ZNF546: variants seen among roughly 807,000 people sequenced by gnomAD.
The protein encoded by ZNF546 is zinc finger protein 546.
Under a neutral mutation model 76.2 loss-of-function variants are expected in ZNF546, and 60 were observed. The ratio of observed to expected loss-of-function variants is 0.79; its 90% confidence interval spans 0.64 to 0.98. ZNF546 has a LOEUF of 0.98. Ranked by LOEUF, ZNF546 falls within the 50% of genes least tolerant of loss-of-function variation. ZNF546 has a pLI of 0.00. For synonymous variants in ZNF546, 277 were observed against 328.1 expected (o/e 0.84, Z 1.68); for missense variants, 936 against 1,035.6 (o/e 0.90, Z 1.32).
In ZNF546 at chr19:40,013,925, T is replaced by C. The variant is rs776965685; in HGVS notation, c.655T>C (p.Cys219Arg). ...KIHAREKSYECKECRKAFRQQ... is the reference protein window; with the variant it reads ...KIHAREKSYERKECRKAFRQQ... Reference sequence around the variant, plus strand: ...TCATGCTAGAGAGAAATCATATGAATGTAAGGAATGTAGAAAGGCCTTTAG... The same window carrying C: ...TCATGCTAGAGAGAAATCATATGAACGTAAGGAATGTAGAAAGGCCTTTAG... The change falls in exon 7 of 7, where the codon TGT (cysteine) becomes CGT (arginine). Residue 219 changes from cysteine to arginine, a missense_variant. Cys to Arg is a radical substitution (Grantham distance 180). Transcript: ENST00000347077. 1 of 1,610,194 alleles carries C rather than the reference T, an allele frequency of 6.2e-7. No homozygotes were observed. The highest frequency in any genetic ancestry group is 8.5e-7 in the Non-Finnish European group (1 of 1,178,076).
rs925722828 is a variant in ZNF546, at chr19:40,015,689, T to G, written c.2419T>G (p.Cys807Gly). 8.1e-6 allele frequency: 13 copies of G among 1,614,056 alleles called. No individual in the cohort carries two copies. The highest frequency in any genetic ancestry group is 1.3e-5 in the African/African-American group (1 of 74,934). ...TCATACTGGTGAAAAACCCTATCAA[T>G]GTAAAGAATGTGGAAAAGCCTTTAT... ...RIHTGEKPYQ[C>G]KECGKAFIRS... The change falls in exon 7 of 7, where the codon TGT becomes GGT. Residue 807 changes from cysteine (C) to glycine (G), a missense_variant. Coordinates refer to ENST00000347077, the MANE Select transcript of ZNF546 (RefSeq NM_178544.5).
chr19:40,002,497 A>G (rs545216053), intron 3 of ZNF546, among the ~76,000 whole-genome samples: 1 of 152,190 alleles, frequency 6.6e-6, no homozygotes, highest in South Asian at 2.1e-4. Context: ...TAGACTGAAT[A>G]AGTATAAGGT....
At chr19:39,998,765 A>C (rs1004513950) in intron 3 of ZNF546, among the ~76,000 whole-genome samples, 2 of 152,110 alleles carry the variant, frequency 1.3e-5, no homozygotes, top group African/African-American at 4.8e-5. Flanking sequence ...GATGAAGAAT[A>C]ATACGCAATT....
chr19:40,003,035 T>C (rs1971549920), intron 3 of ZNF546, among the ~76,000 whole-genome samples: 1 of 29,186 alleles, frequency 3.4e-5, no homozygotes, highest in Non-Finnish European at 4.6e-5. Context: ...TGATTTAACT[T>C]TTTTTTTTTT....
Position 39,998,282 on chromosome 19 carries a change from T to C in ZNF546, c.-45T>C. 1.4e-6 allele frequency: 2 copies of C among 1,469,656 alleles called. No homozygotes were observed. Among genetic ancestry groups the C allele is most frequent in the Non-Finnish European group, 1.9e-6 (2 of 1,050,072 alleles). 91.0% of individuals were successfully genotyped at this position (1,469,656 alleles called of 1,614,324 possible). On this transcript the variant is annotated 5_prime_UTR_variant, in exon 3 of 7. Transcript: ENST00000347077. ...ACATTGCTTTGCTTTTCCTGAATTGTCCAGTGACCTATCCCAGGCCTTCCT... is the reference window on the plus strand; with the variant it reads ...ACATTGCTTTGCTTTTCCTGAATTGCCCAGTGACCTATCCCAGGCCTTCCT...
intron 4 of ZNF546, among the ~76,000 whole-genome samples, chr19:40,006,618 G>C (rs925461003): frequency 1.3e-5 from 2 of 152,158 alleles, no homozygotes; most frequent in African/African-American, 4.8e-5. Context: ...TCTGGCTTAG[G>C]AACAAAGCAA....
Position 40,014,025 on chromosome 19 carries a change from A to T in ZNF546, c.755A>T (p.Lys252Met). Residue 252 changes from lysine to methionine, a missense_variant, in exon 7 of 7, where the codon AAG becomes ATG. By Grantham distance (95) the Lys-to-Met change is moderately conservative (BLOSUM62 -1). Coordinates refer to ENST00000347077, the MANE Select transcript of ZNF546 (RefSeq NM_178544.5). ...ERPYKCMECG[K>M]AFCRVGDLRV... ...CCCTATAAATGTATGGAATGTGGAA[A>T]GGCCTTTTGTCGAGTGGGAGACCTT... 2 of 1,612,176 alleles carry T rather than the reference A, an allele frequency of 1.2e-6. No homozygotes were observed. Among genetic ancestry groups the T allele is most frequent in the African/African-American group, 2.7e-5 (2 of 74,988 alleles).
intron 3 of ZNF546, among the ~76,000 whole-genome samples, chr19:40,002,867 T>C (rs949175296): frequency 6.6e-6 from 1 of 151,770 alleles, no homozygotes; most frequent in Non-Finnish European, 1.5e-5. Flanking sequence ...GCCCAGCTAA[T>C]TTTTGTATTT....
rs767668374 is a variant in ZNF546, at chr19:40,014,282, T to TA, written c.1012_1013insA (p.Phe338TyrfsTer2). On this transcript the variant is annotated frameshift_variant, in exon 7 of 7. Coordinates refer to ENST00000347077, the MANE Select transcript of ZNF546 (RefSeq NM_178544.5). LOFTEE classifies it high-confidence loss of function. ...TGAATGTAAAGAATGTGGGAAGGCCTTTAGACTTCATTATCAACTAACTGA... is the reference window on the plus strand; with the variant it reads ...TGAATGTAAAGAATGTGGGAAGGCCTATTAGACTTCATTATCAACTAACTGA... The TA allele has an allele frequency of 8.6e-4, 1,384 of 1,614,002 alleles. 3 individuals are homozygous for TA. The highest frequency in any genetic ancestry group is 1.1e-3 in the Non-Finnish European group (1,266 of 1,180,000).
chr19:40,005,825 T>C (rs1440116528), intron 3 of ZNF546, among the ~76,000 whole-genome samples: 1 of 152,194 alleles, frequency 6.6e-6, no homozygotes, highest in Non-Finnish European at 1.5e-5. Context: ...TGGATGGAGA[T>C]AAATGCATTG....
At chr19:40,005,900 G>C (rs1221754493) in intron 3 of ZNF546, among the ~76,000 whole-genome samples, 196 bp from the exon 4 acceptor site, 1 of 152,124 alleles carries the variant, frequency 6.6e-6, no homozygotes, top group Non-Finnish European at 1.5e-5. Context: ...AGCTACTTTT[G>C]TTGTCATCAC....
chr19:40,013,101 C>T (rs1378766180), intron 6 of ZNF546, among the ~76,000 whole-genome samples: 1 of 152,196 alleles, frequency 6.6e-6, no homozygotes, highest in Non-Finnish European at 1.5e-5. Context: ...GCACGAGCCA[C>T]CGCACCCGGC....
In ZNF546 at chr19:40,007,279, T is replaced by A; in HGVS notation, c.177T>A (p.Ser59=). The change falls in exon 5 of 7, where the codon TCT becomes TCA. Residue 59 remains serine, a synonymous_variant. Coordinates refer to ENST00000347077, the MANE Select transcript of ZNF546 (RefSeq NM_178544.5). The part of the protein sequence containing the change: ...SCGSKTMANV[S]LAFRDVSIDL... ...ACATAGGCTTGTCATTTCAGGTATC[T>A]TTGGCATTTAGGGATGTGTCCATAG... 6.5e-7 allele frequency: 1 copy of A among 1,544,304 alleles called. No homozygotes were observed. Among genetic ancestry groups the A allele is most frequent in the Middle Eastern group, 1.7e-4 (1 of 5,774 alleles).
Position 40,018,588 on chromosome 19 carries a change from A to G in ZNF546, c.*2807A>G, listed in dbSNP as rs544712447. 1.3e-5 allele frequency: 2 copies of G among 152,356 alleles called. No homozygotes were observed. Among genetic ancestry groups the G allele is most frequent in the South Asian group, 2.1e-4 (1 of 4,820 alleles). The allele number at this position is 152,356 out of a possible 1,614,324, so 9.4% of individuals were successfully genotyped here. On this transcript the variant is annotated 3_prime_UTR_variant, in exon 7 of 7. Transcript: ENST00000347077. ...GTAGAGCTCATGGTCCTTCCTTTTGAATCTGGCCAGGTGGGCCTGTGTTTA... is the reference window on the plus strand; with the variant it reads ...GTAGAGCTCATGGTCCTTCCTTTTGGATCTGGCCAGGTGGGCCTGTGTTTA...
intron 3 of ZNF546, among the ~76,000 whole-genome samples, chr19:39,998,815 C>T (rs1312267374): frequency 6.6e-6 from 1 of 152,146 alleles, no homozygotes; most frequent in Non-Finnish European, 1.5e-5. Context: ...CTGTGTCACC[C>T]AGGCTGGAGT....
At chr19:40,008,417 T>G in intron 5 of ZNF546, 53 bp from the exon 6 acceptor site, 1 of 1,371,004 alleles carries the variant, frequency 7.3e-7, no homozygotes, top group Non-Finnish European at 1.0e-6. Flanking sequence ...TTCAAGGTTA[T>G]GGTTGTTTTT....
intron 3 of ZNF546, among the ~76,000 whole-genome samples, chr19:40,003,173 C>CT (rs774389416): frequency 6.6e-5 from 10 of 151,674 alleles, no homozygotes; most frequent in Non-Finnish European, 1.5e-4. Context: ...GTAGCTGGGA[C>CT]TACAGGCGCC....
Position 40,014,104 on chromosome 19 carries a change from TG to T in ZNF546, c.837del (p.Lys280ArgfsTer19). ...GERPYECKECGKAFRLHYHLT... is the reference protein window; with the variant it reads ...GERPYECKECXKAFRLHYHLT... ...AGAGACCCTATGAATGTAAAGAATG[TG>T]GGAAGGCCTTTAGACTTCATTATCA... On this transcript the variant is annotated frameshift_variant, in exon 7 of 7. Coordinates refer to ENST00000347077, the MANE Select transcript of ZNF546 (RefSeq NM_178544.5). LOFTEE classifies it high-confidence loss of function. 6.2e-7 allele frequency: 1 copy of T among 1,613,958 alleles called. No homozygotes were observed. Among genetic ancestry groups the T allele is most frequent in the Non-Finnish European group, 8.5e-7 (1 of 1,179,856 alleles).
chr19:40,003,790 T>A (rs1208778109), intron 3 of ZNF546, among the ~76,000 whole-genome samples: 2 of 151,958 alleles, frequency 1.3e-5, no homozygotes, highest in Non-Finnish European at 2.9e-5. Flanking sequence ...AGAGGGCAGA[T>A]CACCTGAGGT....
Sources: gnomAD v4.1 joint callset for allele counts (sites outside exome capture counted in the v4.1 genomes callset) on GRCh38, gnomAD v4.1.1 for gene constraint, MANE v1.5 for transcripts, NCBI Gene and HGNC (gene_info 2026-07-23, HGNC 2026-07-21) for gene names.